KIAA0232: variants seen among roughly 807,000 people sequenced by gnomAD.
KIAA0232 encodes the protein KIAA0232.
In KIAA0232, 27 loss-of-function variants were observed where a neutral mutation model predicts 122.0. That is an observed-to-expected ratio of 0.22 (90% CI 0.16 to 0.31). KIAA0232 has a LOEUF of 0.31. Among genes scored for constraint, KIAA0232 ranks in the 10% least tolerant of loss-of-function variants. The probability of loss-of-function intolerance (pLI) is 1.00; values close to 1 mark genes in which losing one functional copy is unlikely to be tolerated. For missense variants in KIAA0232, 1,551 were observed against 1,634.2 expected (o/e 0.95, Z 0.88); for synonymous variants, 613 against 587.6 (o/e 1.04, Z -0.63).
chr4:6,841,127 A>G (rs1719636315), intron 3 of KIAA0232, among the ~76,000 whole-genome samples: 1 of 152,188 alleles, frequency 6.6e-6, no homozygotes, highest in Admixed American at 6.6e-5. Flanking sequence ...TGATAAAGTC[A>G]CTCTAACATT....
In KIAA0232 at chr4:6,823,892, G is replaced by A. The variant is rs144259712; in HGVS notation, c.-269-293G>A. Among the ~76,000 whole-genome samples, 1,216 of 152,078 alleles carry A rather than the reference G, an allele frequency of 8.0e-3. 10 individuals are homozygous for A. The highest frequency in any genetic ancestry group is 0.013 in the Non-Finnish European group (884 of 67,994). On this transcript the variant is annotated intron_variant, in intron 2 of 9. Coordinates refer to ENST00000307659, the MANE Select transcript of KIAA0232 (RefSeq NM_014743.3). The stretch of plus-strand genomic sequence containing the variant: ...CTCAATATGTTCCCCACACTGGAGC[G>A]CAGGGGTTATTCATAGGTACAGTCA...
At chr4:6,869,172 C>T (rs960513963) in intron 7 of KIAA0232, among the ~76,000 whole-genome samples, 6 of 152,200 alleles carry the variant, frequency 3.9e-5, no homozygotes, top group Non-Finnish European at 5.9e-5. Flanking sequence ...CCCCTCTAGC[C>T]TGCTTTCCCT....
intron 3 of KIAA0232, among the ~76,000 whole-genome samples, chr4:6,837,875 C>A (rs1475345765): frequency 6.6e-6 from 1 of 151,754 alleles, no homozygotes; most frequent in Non-Finnish European, 1.5e-5. Context: ...CACAGTCCAG[C>A]CTTGGCTGGG....
chr4:6,819,567 A>G (rs1361539834), intron 2 of KIAA0232, among the ~76,000 whole-genome samples: 1 of 152,212 alleles, frequency 6.6e-6, no homozygotes, highest in Non-Finnish European at 1.5e-5. Context: ...ACATCTCACA[A>G]CAGTCAGAAT....
intron 2 of KIAA0232, among the ~76,000 whole-genome samples, chr4:6,810,479 G>C (rs1396278082): frequency 1.3e-5 from 2 of 152,084 alleles, no homozygotes; most frequent in Admixed American, 6.6e-5. Context: ...AAAAATACTA[G>C]AATAAAACCT....
At chr4:6,796,616 A>T (rs573026293) in intron 1 of KIAA0232, among the ~76,000 whole-genome samples, 2 of 152,348 alleles carry the variant, frequency 1.3e-5, no homozygotes, top group Admixed American at 6.5e-5. Context: ...TGAGGAATCA[A>T]TCATGATAGT....
At chr4:6,866,179 C>G in intron 7 of KIAA0232, 1 of 965,256 alleles carries the variant, frequency 1.0e-6, no homozygotes, top group Non-Finnish European at 1.2e-6. Flanking sequence ...CTTTGTATTT[C>G]ACCTGGTTCC....
At position 6,882,127 on chromosome 4, in the gene KIAA0232, A is replaced by G. The variant is rs1722106937; in HGVS notation, c.*1161A>G. On this transcript the variant is annotated 3_prime_UTR_variant, in exon 10 of 10. Coordinates refer to ENST00000307659, the MANE Select transcript of KIAA0232 (RefSeq NM_014743.3). ...CGCATCTTGTGAGTCGCGTCTGTGC[A>G]TGGCGATCCGCTCCTCCGGCTCTCA... The G allele has an allele frequency of 6.6e-6, 1 of 152,418 alleles. No homozygotes were observed. The highest frequency in any genetic ancestry group is 1.5e-5 in the Non-Finnish European group (1 of 68,042). 9.4% of individuals were successfully genotyped at this position (152,418 alleles called of 1,614,324 possible). A position where few individuals can be genotyped will look rare whatever the true frequency, so the allele number is the denominator to read the frequency against.
chr4:6,816,183 T>C (rs1044192027), intron 2 of KIAA0232, among the ~76,000 whole-genome samples: 11 of 152,170 alleles, frequency 7.2e-5, no homozygotes, highest in Admixed American at 6.5e-4. Flanking sequence ...CTGGGTTTGA[T>C]GTATATATTA....
Position 6,788,387 on chromosome 4 carries a change from C to A in KIAA0232, c.-354+5546C>A, listed in dbSNP as rs577397810. On this transcript the variant is annotated intron_variant, in intron 1 of 9. Coordinates refer to ENST00000307659, the MANE Select transcript of KIAA0232 (RefSeq NM_014743.3). ...CCACTTCCGTTATTGGCAGACTACT[C>A]TGAAATATCCTTTCCACCTTTCTCT... 2.6e-5 allele frequency among the ~76,000 whole-genome samples: 4 copies of A among 152,344 alleles called. No homozygotes were observed. In the South Asian group the frequency reaches 8.3e-4, roughly 32 times the overall value.
In KIAA0232 at chr4:6,857,181, T is replaced by G; in HGVS notation, c.387T>G (p.Thr129=). Residue 129 remains threonine, a synonymous_variant, in exon 5 of 10, where the codon ACT becomes ACG. Coordinates refer to ENST00000307659, the MANE Select transcript of KIAA0232 (RefSeq NM_014743.3). Reference sequence around the variant, plus strand: ...TCATGCAGAGCTCTGGTATCGAGACTTTAGTGGAGGAGCTCTGCTCCAGAC... The same window carrying G: ...TCATGCAGAGCTCTGGTATCGAGACGTTAGTGGAGGAGCTCTGCTCCAGAC... ...SASDESSGIE[T]LVEELCSRLK... 6.2e-7 allele frequency: 1 copy of G among 1,609,776 alleles called. No individual in the cohort carries two copies. Among genetic ancestry groups the G allele is most frequent in the Non-Finnish European group, 8.5e-7 (1 of 1,177,950 alleles).
chr4:6,870,924 C>T (rs1039748044), intron 7 of KIAA0232, among the ~76,000 whole-genome samples: 1 of 152,134 alleles, frequency 6.6e-6, no homozygotes, highest in Non-Finnish European at 1.5e-5. Flanking sequence ...CCAGTAAAGG[C>T]TCAGGGCTTC....
chr4:6,803,881 T>C (rs1168592382), intron 1 of KIAA0232, among the ~76,000 whole-genome samples: 1 of 152,212 alleles, frequency 6.6e-6, no homozygotes, highest in African/African-American at 2.4e-5. Context: ...TAAGGAGATA[T>C]CCTTATAGGG....
intron 2 of KIAA0232, among the ~76,000 whole-genome samples, chr4:6,807,128 G>T (rs1478162526): frequency 6.6e-6 from 1 of 151,846 alleles, no homozygotes; most frequent in African/African-American, 2.4e-5. Flanking sequence ...CTGTACGCCT[G>T]GGCTCAAGTG....
chr4:6,851,700 A>G (rs1424579153), intron 4 of KIAA0232, among the ~76,000 whole-genome samples: 1 of 145,270 alleles, frequency 6.9e-6, no homozygotes, highest in Non-Finnish European at 1.5e-5. Flanking sequence ...TGGGTGACAG[A>G]GCAAGATCCT....
In KIAA0232 at chr4:6,824,461, C is replaced by G; in HGVS notation, c.8C>G (p.Pro3Arg). The G allele has an allele frequency of 6.2e-7, 1 of 1,613,190 alleles. No homozygotes were observed. The highest frequency in any genetic ancestry group is 1.3e-5 in the African/African-American group (1 of 75,036). MY[P>R]ICTVVVDGLP... ...TGTCGGCAACCTAAATTCATGTACC[C>G]TATCTGTACAGTTGTTGTGGATGGT... The change falls in exon 3 of 10, where the codon CCT becomes CGT. Residue 3 changes from proline to arginine, a missense_variant. Physicochemically the swap from Pro to Arg is moderately radical, Grantham distance 103. Coordinates refer to ENST00000307659, the MANE Select transcript of KIAA0232 (RefSeq NM_014743.3).
At chr4:6,812,520 A>G (rs1240068911) in intron 2 of KIAA0232, among the ~76,000 whole-genome samples, 1 of 152,212 alleles carries the variant, frequency 6.6e-6, no homozygotes, top group Non-Finnish European at 1.5e-5. Context: ...TATGCAAAGG[A>G]AAAAACACTA....
At chr4:6,853,750 C>G (rs756895847) in intron 4 of KIAA0232, among the ~76,000 whole-genome samples, 1 of 152,066 alleles carries the variant, frequency 6.6e-6, no homozygotes, top group East Asian at 1.9e-4. Flanking sequence ...TTTTACTTTA[C>G]GCTTAATAAC....
chr4:6,880,857 GA>G lies in KIAA0232; in HGVS notation c.4082del (p.Lys1361ArgfsTer40). The part of the protein sequence containing the change: ...DSGAKSDGFR[G>X]KMCSSASSTS... Reference sequence around the variant, plus strand: ...GGAGCAAAGTCAGATGGCTTCCGCGGAAAGATGTGCTCCAGCGCCAGCTCCA... The same window carrying G: ...GGAGCAAAGTCAGATGGCTTCCGCGGAAGATGTGCTCCAGCGCCAGCTCCA... On this transcript the variant is annotated frameshift_variant, in exon 10 of 10. Coordinates refer to ENST00000307659, the MANE Select transcript of KIAA0232 (RefSeq NM_014743.3). LOFTEE classifies it low-confidence loss of function (END_TRUNC). The G allele has an allele frequency of 6.2e-7, 1 of 1,607,460 alleles. No individual in the cohort carries two copies. Among genetic ancestry groups the G allele is most frequent in the South Asian group, 1.1e-5 (1 of 89,372 alleles).
Sources: gnomAD v4.1 joint callset for allele counts (sites outside exome capture counted in the v4.1 genomes callset) on GRCh38, gnomAD v4.1.1 for gene constraint, MANE v1.5 for transcripts, NCBI Gene and HGNC (gene_info 2026-07-23, HGNC 2026-07-21) for gene names.